The following PLPP3 variants were observed in gnomAD, a reference collection of about 807,000 sequenced individuals.
PLPP3 encodes the protein PAP2 beta.
Under a neutral mutation model 29.6 loss-of-function variants are expected in PLPP3, and 6 were observed. That is an observed-to-expected ratio of 0.20 (90% CI 0.11 to 0.40). PLPP3 has a LOEUF of 0.40. Ranked by LOEUF, PLPP3 falls within the 10% of genes least tolerant of loss-of-function variation. The probability of loss-of-function intolerance (pLI) is 1.00; values close to 1 mark genes in which losing one functional copy is unlikely to be tolerated. For missense variants in PLPP3, 308 were observed against 407.7 expected (o/e 0.76, Z 2.11); for synonymous variants, 152 against 159.7 (o/e 0.95, Z 0.36).
chr1:56,574,214 C>A (rs1646219655), intron 1 of PLPP3, among the ~76,000 whole-genome samples: 1 of 148,830 alleles, frequency 6.7e-6, no homozygotes, highest in African/African-American at 2.5e-5. Context: ...AAAAAAAAAA[C>A]CCTAACCATT....
At chr1:56,568,368 G>A (rs1282928780) in intron 1 of PLPP3, among the ~76,000 whole-genome samples, 2 of 152,098 alleles carry the variant, frequency 1.3e-5, no homozygotes, top group African/African-American at 2.4e-5. Context: ...TGCAACCCAG[G>A]AAAAACCCTT....
intron 1 of PLPP3, among the ~76,000 whole-genome samples, chr1:56,555,957 G>A (rs1253696835): frequency 6.6e-6 from 1 of 152,180 alleles, no homozygotes; most frequent in Non-Finnish European, 1.5e-5. Flanking sequence ...TTCAGATCGA[G>A]GAAGACATTT....
chr1:56,567,937 A>G (rs757097411), intron 1 of PLPP3, among the ~76,000 whole-genome samples: 6 of 152,250 alleles, frequency 3.9e-5, no homozygotes, highest in African/African-American at 1.4e-4. Flanking sequence ...TGTTATGTCT[A>G]CATAATGGAA....
chr1:56,555,390 A>G (rs1646067835), intron 1 of PLPP3, among the ~76,000 whole-genome samples: 1 of 138,488 alleles, frequency 7.2e-6, no homozygotes, highest in Non-Finnish European at 1.6e-5. Flanking sequence ...GTGTGTGTGC[A>G]ATTTGCCATA....
rs1645837040 is a variant in PLPP3, at chr1:56,524,116, T to C, written c.575+161A>G. On this transcript the variant is annotated intron_variant, in intron 3 of 5. Transcript: ENST00000371250. This position sits in a 1 kb window ranked among gnomAD's most constrained non-coding sequence, Gnocchi z 4.3. The stretch of plus-strand genomic sequence containing the variant: ...ACCTACCCATGCTATATCGGAAGTA[T>C]TGATTTACATATCTGTCTCAATCAT... 6.6e-6 allele frequency among the ~76,000 whole-genome samples: 1 copy of C among 152,238 alleles called. No individual in the cohort carries two copies. The highest frequency in any genetic ancestry group is 1.5e-5 in the Non-Finnish European group (1 of 68,036).
chr1:56,572,500 T>C (rs1646206723), intron 1 of PLPP3, among the ~76,000 whole-genome samples: 1 of 152,146 alleles, frequency 6.6e-6, no homozygotes, highest in Non-Finnish European at 1.5e-5. Context: ...TATGGCTTTG[T>C]CCCTTTCAAA....
At position 56,495,067 on chromosome 1, in the gene PLPP3, TG is replaced by T. The variant is rs1455560573; in HGVS notation, c.*1483del. 1 of 152,526 alleles carries T rather than the reference TG, an allele frequency of 6.6e-6. No individual in the cohort carries two copies. The highest frequency in any genetic ancestry group is 1.9e-4 in the East Asian group (1 of 5,196). 9.4% of individuals were successfully genotyped at this position (152,526 alleles called of 1,614,324 possible). On this transcript the variant is annotated 3_prime_UTR_variant, in exon 6 of 6. Coordinates refer to ENST00000371250, the MANE Select transcript of PLPP3 (RefSeq NM_003713.5). Reference sequence around the variant, plus strand: ...GTCGAGACACAGTTTATAATCATAGTGGATATAGCTAAATTGTTTCAGAAAT... The same window carrying T: ...GTCGAGACACAGTTTATAATCATAGTGATATAGCTAAATTGTTTCAGAAAT...
rs769189187 is a variant in PLPP3, at chr1:56,524,587, A to G, written c.298-33T>C. 4 of 1,586,590 alleles carry G rather than the reference A, an allele frequency of 2.5e-6. No homozygotes were observed. The South Asian group carries it at 4.4e-5, about 18-fold the overall frequency. On this transcript the variant is annotated intron_variant, in intron 2 of 5. Coordinates refer to ENST00000371250, the MANE Select transcript of PLPP3 (RefSeq NM_003713.5). The surrounding 1 kb of genome is among the most constrained non-coding windows in gnomAD (Gnocchi z 4.3). ...GAATCCAACAGGGGAATTAGGCAGT[A>G]TCAAGATTCATCATCAACACTGATG... is the stretch of plus-strand genomic sequence containing the variant.
At chr1:56,535,631 A>G (rs983010509) in intron 2 of PLPP3, among the ~76,000 whole-genome samples, 15 of 152,178 alleles carry the variant, frequency 9.9e-5, no homozygotes, top group Non-Finnish European at 4.4e-5. Context: ...AAATGCTGAC[A>G]TCCCTTAAGG....
chr1:56,525,311 C>A (rs1482378084), intron 2 of PLPP3, among the ~76,000 whole-genome samples: 1 of 152,170 alleles, frequency 6.6e-6, no homozygotes, highest in Non-Finnish European at 1.5e-5. Context: ...TAGTACGATG[C>A]CCTTCAGTGT....
intron 2 of PLPP3, among the ~76,000 whole-genome samples, chr1:56,526,545 A>G (rs1183421379): frequency 6.6e-6 from 1 of 152,162 alleles, no homozygotes; most frequent in East Asian, 1.9e-4. Context: ...TACCACAATC[A>G]TGTTCTCTTA....
intron 2 of PLPP3, among the ~76,000 whole-genome samples, chr1:56,535,938 C>T (rs1481571719): frequency 1.3e-5 from 2 of 152,170 alleles, no homozygotes; most frequent in African/African-American, 4.8e-5. Context: ...GATGAGGAAA[C>T]TGAAGGTTAA....
intron 1 of PLPP3, among the ~76,000 whole-genome samples, chr1:56,559,868 C>T (rs1228067638): frequency 6.6e-6 from 1 of 152,132 alleles, no homozygotes; most frequent in Non-Finnish European, 1.5e-5. Flanking sequence ...CCTTCATCTC[C>T]TGTATTCTAA....
chr1:56,510,174 G>A (rs1645730771), intron 5 of PLPP3, among the ~76,000 whole-genome samples: 1 of 152,120 alleles, frequency 6.6e-6, no homozygotes, highest in East Asian at 1.9e-4. Flanking sequence ...GCCCCCGCGG[G>A]CTGTCCTCCT....
intron 1 of PLPP3, among the ~76,000 whole-genome samples, chr1:56,553,772 T>C (rs917597059): frequency 6.6e-6 from 1 of 152,332 alleles, no homozygotes; most frequent in East Asian, 1.9e-4. Flanking sequence ...CAGTTGTGTA[T>C]GTGGATTTTG....
At chr1:56,504,551 G>A (rs566832988) in intron 5 of PLPP3, among the ~76,000 whole-genome samples, 1 of 152,148 alleles carries the variant, frequency 6.6e-6, no homozygotes, top group East Asian at 1.9e-4. Context: ...AAGCTGAAAG[G>A]GAGAATGAGG....
At chr1:56,563,881 C>T (rs1472712687) in intron 1 of PLPP3, among the ~76,000 whole-genome samples, 1 of 152,240 alleles carries the variant, frequency 6.6e-6, no homozygotes, top group Non-Finnish European at 1.5e-5. Flanking sequence ...ATGCCTCTCT[C>T]TTCCAGTGTA....
intron 4 of PLPP3, among the ~76,000 whole-genome samples, chr1:56,523,424 T>TAA (rs1163892877): frequency 6.6e-6 from 1 of 152,192 alleles, no homozygotes; most frequent in East Asian, 1.9e-4. Flanking sequence ...GTTTGTACCC[T>TAA]AAAATGTTAT....
At chr1:56,501,007 C>CAAAAAAAA (rs71048436) in intron 5 of PLPP3, among the ~76,000 whole-genome samples, 6 of 84,924 alleles carry the variant, frequency 7.1e-5, no homozygotes, top group Admixed American at 1.5e-4. Flanking sequence ...CTGTCTCAGA[C>CAAAAAAAA]AAAAAAAAAA....
Sources: allele counts gnomAD v4.1 joint callset (sites outside exome capture counted in the v4.1 genomes callset), GRCh38; gene constraint gnomAD v4.1.1; non-coding constraint Gnocchi (gnomAD v3.1); transcripts MANE v1.5; gene names NCBI Gene and HGNC (gene_info 2026-07-23, HGNC 2026-07-21).